Variants in ATXN1 observed in about 807,000 individuals in gnomAD.
The protein encoded by ATXN1 is ataxin-1.
In ATXN1, 8 loss-of-function variants were observed where a neutral mutation model predicts 56.4. The ratio of observed to expected loss-of-function variants is 0.14; its 90% CI spans 0.08 to 0.26. The LOEUF is 0.26. ATXN1 is among the 10% of genes least tolerant of loss of function. ATXN1 has a pLI of 1.00. For missense variants in ATXN1, 987 were observed against 1,106.5 expected (o/e 0.89, Z 1.53); for synonymous variants, 514 against 494.6 (o/e 1.04, Z -0.52).
intron 3 of ATXN1, among the ~76,000 whole-genome samples, chr6:16,616,552 T>C (rs1417673023): frequency 1.4e-5 from 2 of 146,022 alleles, no homozygotes; most frequent in Non-Finnish European, 3.0e-5. Flanking sequence ...AAAATATATA[T>C]AATATATTTT....
chr6:16,526,124 AT>A (rs1163391735), intron 4 of ATXN1, among the ~76,000 whole-genome samples: 2 of 146,456 alleles, frequency 1.4e-5, no homozygotes, highest in African/African-American at 2.5e-5. Context: ...TTGCTGTCTC[AT>A]TTTTTTTACT....
rs143421851 is a variant in ATXN1, at chr6:16,623,771, A to G, written c.-489+34005T>C. Among the ~76,000 whole-genome samples, 192 of 152,362 alleles carry G rather than the reference A, an allele frequency of 1.3e-3. 1 individual carries two copies. Among genetic ancestry groups the G allele is most frequent in the African/African-American group, 4.3e-3 (178 of 41,594 alleles). ...GTGTGTGTCTGAGAACTAAGGAAAA[A>G]AGGATTGGTTTTACTGTCTCTTCAA... On this transcript the variant is annotated intron_variant, in intron 3 of 7. Coordinates refer to ENST00000436367, the MANE Select transcript of ATXN1 (RefSeq NM_001128164.2).
chr6:16,614,707 G>A (rs1318633157), intron 3 of ATXN1, among the ~76,000 whole-genome samples: 4 of 151,670 alleles, frequency 2.6e-5, no homozygotes, highest in Non-Finnish European at 5.9e-5. Flanking sequence ...TGGATCACTT[G>A]AGGTCAGGAG....
intron 6 of ATXN1, among the ~76,000 whole-genome samples, chr6:16,443,255 C>T (rs893496942): frequency 2.2e-5 from 3 of 133,526 alleles, no homozygotes; most frequent in African/African-American, 8.4e-5. Flanking sequence ...AGTATGATTG[C>T]TTATAATAAA....
intron 6 of ATXN1, among the ~76,000 whole-genome samples, chr6:16,456,870 G>A (rs143879969): frequency 1.8e-4 from 28 of 152,340 alleles, no homozygotes; most frequent in African/African-American, 5.5e-4. Context: ...AAGCCCTGTT[G>A]TGGGGGACTA....
rs1761066071 is a variant in ATXN1, at chr6:16,760,795, A to G, written c.-730+503T>C. 6.6e-6 allele frequency among the ~76,000 whole-genome samples: 1 copy of G among 151,080 alleles called. No individual in the cohort carries two copies. The highest frequency in any genetic ancestry group is 1.5e-5 in the Non-Finnish European group (1 of 67,620). On this transcript the variant is annotated intron_variant, in intron 1 of 7. Transcript: ENST00000436367. This position sits in a 1 kb window ranked among gnomAD's most constrained non-coding sequence, Gnocchi z 5.3. ...GGAATGGGAAGAGGGCGGCCGGGAAAGGGACCACCCCCCAACCCCAGCCGC... is the reference window on the plus strand; with the variant it reads ...GGAATGGGAAGAGGGCGGCCGGGAAGGGGACCACCCCCCAACCCCAGCCGC...
intron 6 of ATXN1, among the ~76,000 whole-genome samples, chr6:16,404,661 C>T (rs1266092141): frequency 6.6e-6 from 1 of 151,900 alleles, no homozygotes; most frequent in South Asian, 2.1e-4. Flanking sequence ...CCAGCCCCCA[C>T]CACATGTGCA....
intron 7 of ATXN1, among the ~76,000 whole-genome samples, chr6:16,317,030 G>C (rs773332328): frequency 9.2e-5 from 14 of 151,966 alleles, no homozygotes; most frequent in Admixed American, 2.0e-4. Flanking sequence ...TGCTGAGGTC[G>C]TCATGATTTT....
At chr6:16,658,699 CTGTT>C (rs892918891) in intron 2 of ATXN1, among the ~76,000 whole-genome samples, 4 of 152,218 alleles carry the variant, frequency 2.6e-5, no homozygotes, top group Admixed American at 6.5e-5. Flanking sequence ...ATCCACCCCA[CTGTT>C]TGTTTTTTGA....
At chr6:16,428,516 A>G (rs1055951960) in intron 6 of ATXN1, among the ~76,000 whole-genome samples, 3 of 152,180 alleles carry the variant, frequency 2.0e-5, no homozygotes, top group Admixed American at 2.0e-4. Flanking sequence ...TTTTGCACCA[A>G]CATAATATTT....
intron 4 of ATXN1, among the ~76,000 whole-genome samples, chr6:16,525,275 G>A (rs992749712): frequency 6.6e-6 from 1 of 152,158 alleles, no homozygotes; most frequent in African/African-American, 2.4e-5. Flanking sequence ...CAATCTAAAT[G>A]TCTACCAACA....
intron 6 of ATXN1, among the ~76,000 whole-genome samples, chr6:16,461,836 A>C (rs1294930165): frequency 6.6e-6 from 1 of 152,202 alleles, no homozygotes; most frequent in Non-Finnish European, 1.5e-5. Flanking sequence ...AGGCAAACGA[A>C]ACACTCAAGA....
intron 4 of ATXN1, among the ~76,000 whole-genome samples, chr6:16,578,304 T>C (rs982361155): frequency 5.9e-5 from 9 of 152,240 alleles, no homozygotes; most frequent in African/African-American, 2.2e-4. Context: ...TTTCTAACTA[T>C]GTTGACAAAT....
chr6:16,682,697 G>A (rs948004793), intron 2 of ATXN1, among the ~76,000 whole-genome samples: 2 of 152,154 alleles, frequency 1.3e-5, no homozygotes, highest in African/African-American at 4.8e-5. Flanking sequence ...ACATGTGCAA[G>A]GGATCAGCTA....
intron 6 of ATXN1, among the ~76,000 whole-genome samples, chr6:16,437,884 G>C (rs1371237790): frequency 6.6e-6 from 1 of 152,184 alleles, no homozygotes; most frequent in East Asian, 1.9e-4. Context: ...CTTGTCTGGG[G>C]AAGAGGGTGC....
chr6:16,630,555 G>A (rs1053348265), intron 3 of ATXN1, among the ~76,000 whole-genome samples: 2 of 152,184 alleles, frequency 1.3e-5, no homozygotes, highest in Non-Finnish European at 2.9e-5. Flanking sequence ...CAGGTCAAGA[G>A]AGCCTCCTGC....
chr6:16,569,205 C>T (rs977546216), intron 4 of ATXN1, among the ~76,000 whole-genome samples: 1 of 152,042 alleles, frequency 6.6e-6, no homozygotes. Context: ...TCAGTTCAGA[C>T]CCGGGTGGTT....
intron 5 of ATXN1, among the ~76,000 whole-genome samples, chr6:16,514,215 A>G (rs890704198): frequency 3.9e-5 from 6 of 152,180 alleles, no homozygotes; most frequent in African/African-American, 1.4e-4. Flanking sequence ...CTCCCAAATC[A>G]AAACTGACTC....
chr6:16,443,961 A>G (rs990496970), intron 6 of ATXN1, among the ~76,000 whole-genome samples: 6 of 152,112 alleles, frequency 3.9e-5, no homozygotes, highest in Admixed American at 6.6e-5. Context: ...CTAAAAACAG[A>G]AAAGATTAGC....
Sources: gnomAD v4.1 joint callset for allele counts (sites outside exome capture counted in the v4.1 genomes callset) on GRCh38, gnomAD v4.1.1 for gene constraint, Gnocchi (gnomAD v3.1) non-coding constraint, MANE v1.5 for transcripts, NCBI Gene and HGNC (gene_info 2026-07-23, HGNC 2026-07-21) for gene names.